The following UBE2L3 variants were observed in gnomAD, a reference collection of about 807,000 sequenced individuals.
The protein encoded by UBE2L3 is ubiquitin conjugating enzyme E2 L3.
UBE2L3 carries 1 observed loss-of-function variant against 17.8 expected under a neutral mutation model. The ratio of observed to expected loss-of-function variants is 0.06; its 90% CI spans 0.02 to 0.27. The LOEUF is 0.27. UBE2L3 is among the 10% of genes least tolerant of loss of function. UBE2L3 has a pLI of 1.00. For synonymous variants in UBE2L3, 44 were observed against 68.5 expected (o/e 0.64, Z 1.76); for missense variants, 40 against 192.6 (o/e 0.21, Z 4.69).
At chr22:21,621,378 G>A (rs892463243) in intron 3 of UBE2L3, 137 bp from the exon 4 acceptor site, 19 of 1,092,814 alleles carry the variant, frequency 1.7e-5, no homozygotes, top group Non-Finnish European at 2.4e-5. Context: ...GGATAAATAG[G>A]AGGCAGCTTT....
intron 1 of UBE2L3, among the ~76,000 whole-genome samples, chr22:21,579,132 A>G (rs968708797): frequency 1.3e-5 from 2 of 151,976 alleles, no homozygotes; most frequent in Non-Finnish European, 2.9e-5. Context: ...CTGGGACTAC[A>G]GGTGCCCGCC....
upstream of UBE2L3, among the ~76,000 whole-genome samples, chr22:21,564,731 T>C (rs1268416043): frequency 1.3e-5 from 2 of 152,168 alleles, no homozygotes; most frequent in African/African-American, 4.8e-5. Flanking sequence ...TCAACTGGCT[T>C]GGAATTTCTC....
At chr22:21,567,950 C>T in intron 1 of UBE2L3, 179 bp downstream of exon 1, 2 of 1,402,078 alleles carry the variant, frequency 1.4e-6, no homozygotes, top group Admixed American at 6.8e-5. Context: ...AGGCCGCAGC[C>T]TGGGCGGGAG....
intron 2 of UBE2L3, among the ~76,000 whole-genome samples, chr22:21,595,651 C>T (rs1431879184): frequency 6.6e-6 from 1 of 152,202 alleles, no homozygotes; most frequent in Non-Finnish European, 1.5e-5. Context: ...TCCCTTTAAA[C>T]ATTTGTTTTT....
chr22:21,606,550 TCTC>T (rs1247270487), intron 2 of UBE2L3, among the ~76,000 whole-genome samples: 1 of 152,062 alleles, frequency 6.6e-6, no homozygotes, highest in Non-Finnish European at 1.5e-5. Context: ...ACCATTTAAT[TCTC>T]CTCTTGAAAA....
chr22:21,611,009 C>A lies in UBE2L3; in HGVS notation c.276C>A (p.Ala92=), dbSNP rs61133050. 1 of 1,609,458 alleles carries A rather than the reference C, an allele frequency of 6.2e-7. No individual in the cohort carries two copies. The highest frequency in any genetic ancestry group is 8.5e-7 in the Non-Finnish European group (1 of 1,178,586). The change falls in exon 3 of 4, where the codon GCC becomes GCA. Residue 92 remains alanine (A), a synonymous_variant. Coordinates refer to ENST00000342192, the MANE Select transcript of UBE2L3 (RefSeq NM_003347.4). ...AGGTCTGTCTGCCAGTAATTAGTGC[C>A]GAAAACTGGAAGCCAGCAACCAAAA... ...KGQVCLPVIS[A]ENWKPATKTD...
intron 2 of UBE2L3, among the ~76,000 whole-genome samples, chr22:21,593,886 G>A (rs547968136): frequency 1.3e-5 from 2 of 151,966 alleles, no homozygotes; most frequent in African/African-American, 4.8e-5. Context: ...GACTCTTGTT[G>A]GTCTCCTGCT....
At chr22:21,568,160 C>G (rs1317534501) in intron 1 of UBE2L3, 4 of 1,011,064 alleles carry the variant, frequency 4.0e-6, no homozygotes, top group Admixed American at 5.9e-5. Flanking sequence ...AGCCCCTGCC[C>G]GGAGCCCGCG....
At chr22:21,588,368 T>C (rs781619944) in intron 1 of UBE2L3, among the ~76,000 whole-genome samples, 61 of 152,228 alleles carry the variant, frequency 4.0e-4, no homozygotes, top group Non-Finnish European at 8.1e-4. Flanking sequence ...TGCTTGAGGG[T>C]TTACAACCAT....
chr22:21,611,050 CAT>C lies in UBE2L3; in HGVS notation c.310+8_310+9del, dbSNP rs770777151. On this transcript the variant is annotated splice_region_variant and intron_variant, in intron 3 of 3. Coordinates refer to ENST00000342192, the MANE Select transcript of UBE2L3 (RefSeq NM_003347.4). ...GCAACCAAAACCGACCAAGGTAAGA[CAT>C]GTGCCTGTGTCTTCCTCGGAGGGGG... 5.0e-6 allele frequency: 8 copies of C among 1,594,546 alleles called. No homozygotes were observed. In the South Asian group the frequency reaches 8.0e-5, roughly 16 times the overall value.
At chr22:21,582,059 G>T (rs1013611338) in intron 1 of UBE2L3, among the ~76,000 whole-genome samples, 12 of 151,052 alleles carry the variant, frequency 7.9e-5, no homozygotes, top group Non-Finnish European at 1.2e-4. Flanking sequence ...GGCGGAGGTT[G>T]CAGCGAGCCA....
intron 1 of UBE2L3, among the ~76,000 whole-genome samples, chr22:21,558,812 T>A (rs1351907641): frequency 6.6e-6 from 1 of 152,208 alleles, no homozygotes; most frequent in Admixed American, 6.5e-5. Context: ...TTTTTGTTTC[T>A]ATGTGTTTTC....
At chr22:21,571,942 T>C (rs897161068) in intron 1 of UBE2L3, among the ~76,000 whole-genome samples, 1 of 152,160 alleles carries the variant, frequency 6.6e-6, no homozygotes, top group Non-Finnish European at 1.5e-5. Flanking sequence ...GTTATGCCAG[T>C]GTAAATGTCC....
At chr22:21,581,097 C>T (rs1468075146) in intron 1 of UBE2L3, among the ~76,000 whole-genome samples, 3 of 150,756 alleles carry the variant, frequency 2.0e-5, no homozygotes, top group African/African-American at 7.3e-5. Context: ...CCCTGTTGCC[C>T]AGGCTGGAGT....
intron 1 of UBE2L3, among the ~76,000 whole-genome samples, chr22:21,582,284 C>T (rs1331343446): frequency 6.6e-6 from 1 of 151,550 alleles, no homozygotes; most frequent in Non-Finnish European, 1.5e-5. Flanking sequence ...AATGACACTG[C>T]ATTCATCAAG....
intron 2 of UBE2L3, among the ~76,000 whole-genome samples, chr22:21,606,559 G>C (rs1308654672): frequency 6.6e-6 from 1 of 152,128 alleles, no homozygotes; most frequent in African/African-American, 2.4e-5. Context: ...TTCTCCTCTT[G>C]AAAACTAAAA....
In UBE2L3 at chr22:21,559,204, C is replaced by T. The variant is rs575238976; in HGVS notation, c.201+9554C>T. On this transcript the variant is annotated intron_variant, in intron 1 of 3. Transcript: ENST00000458578. ...TCTACTAAAAAACACAAAAATTAGC[C>T]GGACGTGGTGGCAGGTGCCTGTAAT... is the stretch of plus-strand genomic sequence containing the variant. Among the ~76,000 whole-genome samples, 14 of 152,318 alleles carry T rather than the reference C, an allele frequency of 9.2e-5. No homozygotes were observed. In the South Asian group the frequency reaches 1.9e-3, roughly 20 times the overall value.
intron 2 of UBE2L3, among the ~76,000 whole-genome samples, chr22:21,606,717 C>T (rs1448462346): frequency 6.6e-6 from 1 of 152,154 alleles, no homozygotes; most frequent in African/African-American, 2.4e-5. Context: ...AGTGTGGTGG[C>T]ATATGCCTGT....
intron 1 of UBE2L3, among the ~76,000 whole-genome samples, chr22:21,586,384 G>A (rs1031734170): frequency 6.6e-6 from 1 of 152,070 alleles, no homozygotes; most frequent in African/African-American, 2.4e-5. Context: ...TCCTGCCTCA[G>A]CCTCCCGAGT....
Sources: gnomAD v4.1 joint callset for allele counts (sites outside exome capture counted in the v4.1 genomes callset) on GRCh38, gnomAD v4.1.1 for gene constraint, MANE v1.5 for transcripts, NCBI Gene and HGNC (gene_info 2026-07-23, HGNC 2026-07-21) for gene names.